ZMIZ1: variants seen among roughly 807,000 people sequenced by gnomAD.
The protein encoded by ZMIZ1 is zinc finger MIZ domain-containing protein 1.
In ZMIZ1, 17 loss-of-function variants were observed where a neutral mutation model predicts 113.9. The ratio of observed to expected loss-of-function variants is 0.15; its 90% CI spans 0.10 to 0.22. The LOEUF is 0.22. Among genes scored for constraint, ZMIZ1 ranks in the 10% least tolerant of loss-of-function variants. ZMIZ1 has a pLI of 1.00. For missense variants in ZMIZ1, 1,059 were observed against 1,477.8 expected, an observed-to-expected ratio of 0.72 and a Z score of 4.65; for synonymous variants, 607 against 603.1, an observed-to-expected ratio of 1.01 and a Z score of -0.09.
At chr10:79,181,370 G>A (rs900847451) in intron 4 of ZMIZ1, among the ~76,000 whole-genome samples, 4 of 152,258 alleles carry the variant, frequency 2.6e-5, no homozygotes, top group Non-Finnish European at 4.4e-5. Flanking sequence ...CAGTTGTGGT[G>A]TCACTGGTGC....
intron 3 of ZMIZ1, among the ~76,000 whole-genome samples, chr10:79,160,161 G>A (rs1161574988): frequency 1.3e-5 from 2 of 152,244 alleles, no homozygotes; most frequent in African/African-American, 4.8e-5. Flanking sequence ...CCCCAGATGA[G>A]GGCAAACGCT....
intron 7 of ZMIZ1, among the ~76,000 whole-genome samples, chr10:79,266,899 T>C (rs970467241): frequency 1.3e-5 from 2 of 152,214 alleles, no homozygotes; most frequent in Non-Finnish European, 2.9e-5. Context: ...AGACCACTCA[T>C]TCCTGCTTTG....
At chr10:79,225,547 T>C (rs1340588408) in intron 7 of ZMIZ1, among the ~76,000 whole-genome samples, 5 of 151,824 alleles carry the variant, frequency 3.3e-5, no homozygotes, top group African/African-American at 9.7e-5. Flanking sequence ...CTGGACATCA[T>C]AGTGAGACAT....
intron 1 of ZMIZ1, among the ~76,000 whole-genome samples, chr10:79,114,890 C>CAA (rs1162271146): frequency 6.6e-6 from 1 of 152,152 alleles, no homozygotes; most frequent in Admixed American, 6.5e-5. Flanking sequence ...GTGAGGGACT[C>CAA]AGAGGGACCT....
In ZMIZ1 at chr10:79,230,050, T is replaced by C. The variant is rs1849333072; in HGVS notation, c.280+13776T>C. Among the ~76,000 whole-genome samples the C allele has an allele frequency of 1.3e-5, 2 of 152,132 alleles. 1 individual carries two copies. The highest frequency in any genetic ancestry group is 4.1e-4 in the South Asian group (2 of 4,824). ...GGACTGAGCCAGGATCAGAACTGAC[T>C]CGTTGCACCCTGTGTGGGGACGCTG... On this transcript the variant is annotated intron_variant, in intron 7 of 24. Coordinates refer to ENST00000334512, the MANE Select transcript of ZMIZ1 (RefSeq NM_020338.4).
intron 7 of ZMIZ1, among the ~76,000 whole-genome samples, chr10:79,267,855 T>C (rs1851698633): frequency 6.6e-6 from 1 of 152,116 alleles, no homozygotes; most frequent in African/African-American, 2.4e-5. Flanking sequence ...ATTTTAGAGA[T>C]TTGATGAGGA....
intron 3 of ZMIZ1, among the ~76,000 whole-genome samples, chr10:79,140,164 A>G (rs1845196305): frequency 6.6e-6 from 1 of 152,226 alleles, no homozygotes; most frequent in African/African-American, 2.4e-5. Context: ...TTCTAAGGCT[A>G]CGAGGTCCAC....
At chr10:79,259,202 T>C (rs1851104101) in intron 7 of ZMIZ1, among the ~76,000 whole-genome samples, 1 of 152,174 alleles carries the variant, frequency 6.6e-6, no homozygotes, top group Non-Finnish European at 1.5e-5. Context: ...TTTAATTTGT[T>C]TTTTCTTGCT....
intron 7 of ZMIZ1, among the ~76,000 whole-genome samples, chr10:79,253,625 C>T (rs918911947): frequency 3.9e-5 from 6 of 152,160 alleles, no homozygotes; most frequent in African/African-American, 7.2e-5. Flanking sequence ...TGAACTCTGG[C>T]CTTCTACCTT....
intron 4 of ZMIZ1, among the ~76,000 whole-genome samples, chr10:79,179,654 G>T (rs1285549141): frequency 6.6e-6 from 1 of 152,278 alleles, no homozygotes; most frequent in East Asian, 1.9e-4. Flanking sequence ...TCTCCCTGCA[G>T]TCTGCTTCTT....
At chr10:79,169,320 C>G (rs535277905) in intron 4 of ZMIZ1, among the ~76,000 whole-genome samples, 9 of 152,362 alleles carry the variant, frequency 5.9e-5, no homozygotes, top group Admixed American at 2.0e-4. Context: ...CTGCCCCCAG[C>G]AATTCCCTCT....
intron 1 of ZMIZ1, among the ~76,000 whole-genome samples, chr10:79,096,437 G>A (rs563248848): frequency 1.4e-5 from 2 of 146,492 alleles, no homozygotes; most frequent in Non-Finnish European, 1.6e-5. Flanking sequence ...GCGTGAACCC[G>A]GGAGGCGGAG....
intron 17 of ZMIZ1, 149 bp downstream of exon 17, chr10:79,301,091 CT>C: frequency 8.2e-7 from 1 of 1,214,842 alleles, no homozygotes; most frequent in African/African-American, 1.5e-5. Flanking sequence ...ACAGCGTCCC[CT>C]TACCTGTGCC....
chr10:79,121,382 G>T (rs1358764561), intron 2 of ZMIZ1, among the ~76,000 whole-genome samples: 3 of 152,168 alleles, frequency 2.0e-5, no homozygotes, highest in Non-Finnish European at 4.4e-5. Flanking sequence ...GTTAGAGGGG[G>T]TTCCCGAGGA....
rs1855528449 is a variant in ZMIZ1, at chr10:79,316,267, A to C, written c.*3518A>C. On this transcript the variant is annotated 3_prime_UTR_variant, in exon 25 of 25. Transcript: ENST00000334512. Reference sequence around the variant, plus strand: ...GTACAATGCAATCATTTCATACTTTAAACTGGTCAAAAAACTAATTGTGAT... The same window carrying C: ...GTACAATGCAATCATTTCATACTTTCAACTGGTCAAAAAACTAATTGTGAT... The C allele has an allele frequency of 6.6e-6, 1 of 152,590 alleles. No homozygotes were observed. The allele number at this position is 152,590 out of a possible 1,614,324, so 9.5% of individuals were successfully genotyped here.
intron 15 of ZMIZ1, 124 bp downstream of exon 15, chr10:79,298,704 G>T: frequency 1.1e-6 from 1 of 927,810 alleles, no homozygotes; most frequent in Non-Finnish European, 1.6e-6. Context: ...TTGAGAGCAG[G>T]TGAGATACCC....
At chr10:79,248,996 C>T (rs1449513342) in intron 7 of ZMIZ1, among the ~76,000 whole-genome samples, 1 of 152,180 alleles carries the variant, frequency 6.6e-6, no homozygotes, top group African/African-American at 2.4e-5. Flanking sequence ...CTCCCAAGAG[C>T]TTATGATCTG....
chr10:79,296,438 C>T lies in ZMIZ1; in HGVS notation c.1231-33C>T, dbSNP rs780792827. On this transcript the variant is annotated intron_variant, in intron 12 of 24. Coordinates refer to ENST00000334512, the MANE Select transcript of ZMIZ1 (RefSeq NM_020338.4). This position sits in a 1 kb window ranked among gnomAD's most constrained non-coding sequence, Gnocchi z 4.1. ...GCTATGTGACGTTGGCAACATTGAACGTGTTTCCCCTCTCCTTTCTCTCCC... is the reference window on the plus strand; with the variant it reads ...GCTATGTGACGTTGGCAACATTGAATGTGTTTCCCCTCTCCTTTCTCTCCC... 9 of 1,610,876 alleles carry T rather than the reference C, an allele frequency of 5.6e-6. No homozygotes were observed. In the East Asian group the frequency reaches 6.7e-5, roughly 12 times the overall value.
chr10:79,165,959 T>TGCGCGCGCGC (rs1564692663), intron 4 of ZMIZ1, among the ~76,000 whole-genome samples: 34 of 32,106 alleles, frequency 1.1e-3, no homozygotes, highest in East Asian at 2.0e-3. Flanking sequence ...TGTGTGTGTG[T>TGCGCGCGCGC]GTGTGTGTGT....
Sources: gnomAD v4.1 joint callset for allele counts (sites outside exome capture counted in the v4.1 genomes callset) on GRCh38, gnomAD v4.1.1 for gene constraint, Gnocchi (gnomAD v3.1) non-coding constraint, MANE v1.5 for transcripts, NCBI Gene and HGNC (gene_info 2026-07-23, HGNC 2026-07-21) for gene names.